SLC2A9: variants seen among roughly 807,000 people sequenced by gnomAD.
The protein encoded by SLC2A9 is solute carrier family 2 member 9.
A neutral mutation model predicts 50.6 loss-of-function variants in SLC2A9; 39 were observed. The ratio of observed to expected loss-of-function variants is 0.77; its 90% CI spans 0.60 to 1.01. The LOEUF (loss-of-function observed/expected upper bound fraction) is 1.01, where lower values mean the gene tolerates loss of function less well. SLC2A9 is among the 50% of genes least tolerant of loss of function. SLC2A9 has a pLI of 0.00. For missense variants in SLC2A9, 686 were observed against 677.6 expected (o/e 1.01, Z -0.14); for synonymous variants, 324 against 276.9 (o/e 1.17, Z -1.69).
chr4:10,019,062 G>C lies in SLC2A9; in HGVS notation c.162C>G (p.Cys54Trp), dbSNP rs377432716. The change falls in exon 2 of 12, where the codon TGC (cysteine) becomes TGG (tryptophan). Residue 54 changes from cysteine to tryptophan, a missense_variant. By Grantham distance (215) the Cys-to-Trp change is radical. Coordinates refer to ENST00000264784, the MANE Select transcript of SLC2A9 (RefSeq NM_020041.3). ...PGGRRRKDWS[C>W]SLLVASLAGA... ...CCGCGAGGGAGGCCACGAGGAGCGA[G>C]CAGGACCAGTCCTGAGGGGAGAGGA... The C allele has an allele frequency of 6.4e-7, 1 of 1,551,238 alleles. No homozygotes were observed.
intron 6 of SLC2A9, among the ~76,000 whole-genome samples, chr4:9,936,299 A>G (rs1747070299): frequency 1.3e-5 from 2 of 152,182 alleles, no homozygotes; most frequent in African/African-American, 2.4e-5. Context: ...TCTGGGCCCT[A>G]GAGATAAGCA....
chr4:9,837,044 C>T (rs1727228959), intron 10 of SLC2A9, among the ~76,000 whole-genome samples: 1 of 152,184 alleles, frequency 6.6e-6, no homozygotes, highest in African/African-American at 2.4e-5. Context: ...ATGATGCCAG[C>T]AAGGCTTGCA....
chr4:9,940,344 A>G (rs1473777335), intron 6 of SLC2A9, among the ~76,000 whole-genome samples: 1 of 152,146 alleles, frequency 6.6e-6, no homozygotes, highest in Non-Finnish European at 1.5e-5. Flanking sequence ...AATAGCCACT[A>G]CTTCCGTTTC....
upstream of SLC2A9, among the ~76,000 whole-genome samples, chr4:10,025,537 C>G (rs1166793645): frequency 1.3e-5 from 2 of 152,146 alleles, no homozygotes; most frequent in African/African-American, 4.8e-5. Context: ...GAGGAAGGGG[C>G]AGGTCGACTA....
At chr4:9,868,305 G>A (rs1417774269) in intron 10 of SLC2A9, among the ~76,000 whole-genome samples, 1 of 152,232 alleles carries the variant, frequency 6.6e-6, no homozygotes, top group African/African-American at 2.4e-5. Flanking sequence ...GCAGCCTGGT[G>A]CCTTCACTAG....
At chr4:10,007,994 G>A (rs946863861) in intron 2 of SLC2A9, among the ~76,000 whole-genome samples, 2 of 152,106 alleles carry the variant, frequency 1.3e-5, no homozygotes, top group Non-Finnish European at 2.9e-5. Flanking sequence ...TCAGAAATAG[G>A]GTGCTTCTAG....
intron 10 of SLC2A9, among the ~76,000 whole-genome samples, chr4:9,867,072 T>C (rs1732607074): frequency 6.6e-6 from 1 of 152,210 alleles, no homozygotes; most frequent in South Asian, 2.1e-4. Flanking sequence ...CTTTCCTCAG[T>C]TTAACAGAAA....
chr4:9,910,127 C>A (rs1303608690), intron 7 of SLC2A9, among the ~76,000 whole-genome samples: 1 of 152,220 alleles, frequency 6.6e-6, no homozygotes, highest in Non-Finnish European at 1.5e-5. Flanking sequence ...ACACCCATTT[C>A]TTCGAGCTTG....
At chr4:9,800,381 C>T (rs1229357686) in intron 3 of SLC2A9, among the ~76,000 whole-genome samples, 1 of 152,072 alleles carries the variant, frequency 6.6e-6, no homozygotes, top group African/African-American at 2.4e-5. Context: ...TATGGTGGAC[C>T]CCTAATCTAA....
At chr4:9,799,700 C>CGCCCA (rs139684538) in intron 3 of SLC2A9, among the ~76,000 whole-genome samples, 1 of 93,636 alleles carries the variant, frequency 1.1e-5, no homozygotes, top group Non-Finnish European at 2.1e-5. Context: ...GTACCCCCCC[C>CGCCCA]CCACCCAACT....
chr4:10,021,842 CTTTT>C (rs57844352), upstream of SLC2A9, among the ~76,000 whole-genome samples: 9 of 136,900 alleles, frequency 6.6e-5, no homozygotes, highest in Admixed American at 1.5e-4. Flanking sequence ...GACTCTTCCA[CTTTT>C]TTTTTTTTTT....
intron 10 of SLC2A9, among the ~76,000 whole-genome samples, chr4:9,878,390 G>A (rs1178692722): frequency 6.6e-6 from 1 of 152,068 alleles, no homozygotes; most frequent in Non-Finnish European, 1.5e-5. Flanking sequence ...AGGGGCTGCA[G>A]GCTGAGTTCA....
At chr4:10,012,559 A>G (rs1342605246) in intron 2 of SLC2A9, among the ~76,000 whole-genome samples, 1 of 152,218 alleles carries the variant, frequency 6.6e-6, no homozygotes, top group Admixed American at 6.5e-5. Context: ...CCATGAGGAG[A>G]AATAAATTCG....
intron 3 of SLC2A9, among the ~76,000 whole-genome samples, chr4:9,810,290 T>C (rs1166549322): frequency 6.6e-6 from 1 of 152,082 alleles, no homozygotes; most frequent in Non-Finnish European, 1.5e-5. Context: ...GAAGAGCCTC[T>C]TTCTGCTTTA....
At chr4:9,843,704 T>C (rs938596501) in intron 10 of SLC2A9, among the ~76,000 whole-genome samples, 1 of 152,224 alleles carries the variant, frequency 6.6e-6, no homozygotes, top group African/African-American at 2.4e-5. Flanking sequence ...AAGGACCTAA[T>C]GCAGAGAATA....
intron 3 of SLC2A9, among the ~76,000 whole-genome samples, chr4:9,809,857 T>C (rs572100480): frequency 5.3e-5 from 8 of 151,306 alleles, no homozygotes; most frequent in East Asian, 3.9e-4. Context: ...CTTTTCTTTT[T>C]TTTTTTTTTT....
intron 5 of SLC2A9, among the ~76,000 whole-genome samples, chr4:9,943,945 T>G (rs1393810548): frequency 6.6e-6 from 1 of 152,118 alleles, no homozygotes; most frequent in Non-Finnish European, 1.5e-5. Flanking sequence ...ATGTTAAAGG[T>G]GTGGCAGGCG....
At chr4:9,858,250 G>C (rs1341478551) in intron 10 of SLC2A9, among the ~76,000 whole-genome samples, 2 of 152,226 alleles carry the variant, frequency 1.3e-5, no homozygotes, top group Non-Finnish European at 2.9e-5. Flanking sequence ...GGGGCATGGA[G>C]TGGGCAGGAG....
At chr4:9,947,460 G>A (rs923066336) in intron 5 of SLC2A9, among the ~76,000 whole-genome samples, 2 of 152,160 alleles carry the variant, frequency 1.3e-5, no homozygotes, top group Non-Finnish European at 2.9e-5. Context: ...AACCTAGGTG[G>A]CCATGAGGTT....
Sources: gnomAD v4.1 joint callset for allele counts (sites outside exome capture counted in the v4.1 genomes callset) on GRCh38, gnomAD v4.1.1 for gene constraint, MANE v1.5 for transcripts, NCBI Gene and HGNC (gene_info 2026-07-23, HGNC 2026-07-21) for gene names.